NEBL: variants seen among roughly 807,000 people sequenced by gnomAD.
The protein encoded by NEBL is nebulette, also known as LIM and SH3 protein 2.
Under a neutral mutation model 140.2 loss-of-function variants are expected in NEBL, and 122 were observed. The observed-to-expected ratio is 0.87, with a 90% CI of 0.75 to 1.01. NEBL has a LOEUF of 1.01. NEBL is among the 50% of genes least tolerant of loss of function. NEBL has a pLI of 0.00. For missense variants in NEBL, 1,365 were observed against 1,231.3 expected (o/e 1.11, Z -1.62); for synonymous variants, 436 against 398.9 (o/e 1.09, Z -1.11).
At chr10:20,930,409 C>T (rs1286840157) in intron 4 of NEBL, among the ~76,000 whole-genome samples, 2 of 152,210 alleles carry the variant, frequency 1.3e-5, no homozygotes, top group Non-Finnish European at 2.9e-5. Context: ...GTCTCCTGTA[C>T]TCATTCTCTG....
At chr10:21,193,146 G>A (rs1841600601) in intron 3 of NEBL, among the ~76,000 whole-genome samples, 1 of 152,124 alleles carries the variant, frequency 6.6e-6, no homozygotes, top group African/African-American at 2.4e-5. Context: ...CAATCACAGG[G>A]ATGGGGTGGA....
At chr10:20,878,241 T>A (rs984179380) in intron 5 of NEBL, among the ~76,000 whole-genome samples, 1 of 152,162 alleles carries the variant, frequency 6.6e-6, no homozygotes, top group Non-Finnish European at 1.5e-5. Flanking sequence ...GAGAGAGACA[T>A]CTTGGTTCAC....
intron 2 of NEBL, among the ~76,000 whole-genome samples, chr10:21,123,497 G>C (rs533343243): frequency 6.6e-6 from 1 of 151,882 alleles, no homozygotes; most frequent in African/African-American, 2.4e-5. Context: ...TTTATGTCAC[G>C]AGAGCCCTGA....
intron 9 of NEBL, among the ~76,000 whole-genome samples, chr10:20,856,506 G>T (rs1261916282): frequency 6.6e-6 from 1 of 152,112 alleles, no homozygotes; most frequent in Non-Finnish European, 1.5e-5. Flanking sequence ...ATGAAAACTG[G>T]ATGCCAAAGA....
intron 2 of NEBL, among the ~76,000 whole-genome samples, chr10:21,127,347 A>C (rs983267639): frequency 1.3e-5 from 2 of 152,206 alleles, no homozygotes; most frequent in Non-Finnish European, 2.9e-5. Context: ...GAATTAAAAA[A>C]TTTCCAGTTT....
intron 3 of NEBL, among the ~76,000 whole-genome samples, chr10:21,227,719 T>TCTTCTTC (rs1564546037): frequency 1.6e-4 from 15 of 91,248 alleles, no homozygotes; most frequent in African/African-American, 6.6e-4. Flanking sequence ...TCTTTCTTCT[T>TCTTCTTC]CTTCTTCTTC....
At chr10:21,172,534 T>G (rs1306537283) in intron 1 of NEBL, 2 of 1,363,198 alleles carry the variant, frequency 1.5e-6, no homozygotes, top group Non-Finnish European at 2.1e-6. Context: ...CTCACCAGGA[T>G]GGGCACAGAA....
Position 21,028,235 on chromosome 10 carries a change from CA to C in NEBL, c.165-8035del, listed in dbSNP as rs1168946872. Among the ~76,000 whole-genome samples the C allele has an allele frequency of 7.1e-3, 468 of 66,180 alleles. 1 individual carries two copies. The highest frequency in any genetic ancestry group is 9.8e-3 in the Admixed American group (49 of 5,022). 43.4% of individuals were successfully genotyped at this position (66,180 alleles called of 152,430 possible). A position where few individuals can be genotyped will look rare whatever the true frequency, so the allele number is the denominator to read the frequency against. ...GAGCGAGACTCCATCTCAAACATCT[CA>C]AAAAAAAAAAAAAAAAAAAAGAAGA... On this transcript the variant is annotated intron_variant, in intron 2 of 6. Transcript: ENST00000417816.
At chr10:20,951,205 T>C (rs534418433) in intron 4 of NEBL, among the ~76,000 whole-genome samples, 4 of 152,346 alleles carry the variant, frequency 2.6e-5, no homozygotes, top group African/African-American at 7.2e-5. Context: ...GACTTCCTAC[T>C]TCTTGTCCTT....
intron 2 of NEBL, chr10:21,125,953 T>C (rs773762776): frequency 1.1e-5 from 18 of 1,613,696 alleles, no homozygotes; most frequent in Admixed American, 1.7e-5. Flanking sequence ...CTTGGCCCAG[T>C]TGCCTGGATC....
At chr10:21,122,664 T>C (rs1838634078) in intron 2 of NEBL, among the ~76,000 whole-genome samples, 2 of 151,564 alleles carry the variant, frequency 1.3e-5, no homozygotes, top group African/African-American at 2.4e-5. Context: ...AGAGACAGAG[T>C]TTGGGTTTGG....
chr10:21,000,564 C>T (rs994863620), intron 3 of NEBL, among the ~76,000 whole-genome samples: 6 of 152,020 alleles, frequency 3.9e-5, no homozygotes, highest in Non-Finnish European at 7.4e-5. Context: ...GGAGACCAGC[C>T]TTTGCAAAGG....
chr10:20,978,673 C>A (rs535597219), intron 3 of NEBL, among the ~76,000 whole-genome samples: 1 of 151,536 alleles, frequency 6.6e-6, no homozygotes, highest in Admixed American at 6.6e-5. Context: ...GTGGATTGCC[C>A]GTACCCAGGA....
intron 2 of NEBL, among the ~76,000 whole-genome samples, chr10:21,091,844 C>T (rs12263514): frequency 0.011 from 1,736 of 152,252 alleles, 24 homozygotes; most frequent in African/African-American, 0.04. Flanking sequence ...CTTACCCTGG[C>T]TGATCTTGAA....
intron 2 of NEBL, among the ~76,000 whole-genome samples, chr10:21,082,039 T>C (rs1836390132): frequency 6.6e-6 from 1 of 152,152 alleles, no homozygotes; most frequent in Non-Finnish European, 1.5e-5. Context: ...CCTGATAGGA[T>C]ACCATGAAAA....
chr10:20,906,093 G>A (rs1848080954), intron 4 of NEBL, among the ~76,000 whole-genome samples: 1 of 152,098 alleles, frequency 6.6e-6, no homozygotes, highest in Admixed American at 6.6e-5. Context: ...CCAGATTTAT[G>A]AATCTTTGGA....
intron 4 of NEBL, among the ~76,000 whole-genome samples, chr10:20,912,881 C>CTG (rs1554805277): frequency 8.5e-6 from 1 of 117,854 alleles, no homozygotes; most frequent in African/African-American, 3.2e-5. Flanking sequence ...TATGCCAATT[C>CTG]TTTTTTTTTT....
At chr10:20,812,653 G>C in intron 24 of NEBL, 116 bp downstream of exon 24, 14 of 1,285,274 alleles carry the variant, frequency 1.1e-5, no homozygotes, top group Non-Finnish European at 1.6e-5. Flanking sequence ...TTTTAAATTG[G>C]GTACCACAAC....
chr10:20,909,534 A>C (rs1365654049), intron 4 of NEBL, among the ~76,000 whole-genome samples: 1 of 152,182 alleles, frequency 6.6e-6, no homozygotes, highest in Non-Finnish European at 1.5e-5. Flanking sequence ...CCTTTTCTAC[A>C]TAGCTGTCTT....
Sources: gnomAD v4.1 joint callset for allele counts (sites outside exome capture counted in the v4.1 genomes callset) on GRCh38, gnomAD v4.1.1 for gene constraint, MANE v1.5 for transcripts, NCBI Gene and HGNC (gene_info 2026-07-23, HGNC 2026-07-21) for gene names.